The following SLC5A11 variants were observed in gnomAD, a reference collection of about 807,000 sequenced individuals.
SLC5A11 encodes sodium/myo-inositol cotransporter 2.
In SLC5A11, 48 loss-of-function variants were observed where a neutral mutation model predicts 69.8. That is an observed-to-expected ratio of 0.69 (90% CI 0.55 to 0.87). SLC5A11 has a LOEUF of 0.87. SLC5A11 is among the 40% of genes least tolerant of loss of function. The pLI is 0.00. For synonymous variants in SLC5A11, 319 were observed against 342.4 expected (o/e 0.93, Z 0.75); for missense variants, 784 against 866.1 (o/e 0.91, Z 1.19).
At chr16:24,890,541 G>A (rs1416086372) in intron 8 of SLC5A11, among the ~76,000 whole-genome samples, 82 of 136,974 alleles carry the variant, frequency 6.0e-4, no homozygotes, top group African/African-American at 2.1e-3. Flanking sequence ...AGAAAGGAAG[G>A]AAGAAAGAAA....
intron 11 of SLC5A11, 77 bp downstream of exon 12, chr16:24,906,841 G>T: frequency 6.9e-7 from 1 of 1,441,634 alleles, no homozygotes; most frequent in Admixed American, 2.0e-5. Flanking sequence ...CTGATCCAAG[G>T]CAGGGTCAAG....
intron 10 of SLC5A11, among the ~76,000 whole-genome samples, chr16:24,902,429 G>T (rs1050173875): frequency 6.6e-6 from 1 of 152,080 alleles, no homozygotes; most frequent in Non-Finnish European, 1.5e-5. Context: ...AGATGTAGCT[G>T]ATTCTAAAAC....
intron 8 of SLC5A11, 87 bp from the exon 10 acceptor site, chr16:24,890,782 A>G (rs1408884503): frequency 7.7e-7 from 1 of 1,291,802 alleles, no homozygotes; most frequent in Non-Finnish European, 1.1e-6. Context: ...TGGTCCTACT[A>G]GAATTTCACC....
chr16:24,855,228 A>G (rs2059475322), intron 1 of SLC5A11, among the ~76,000 whole-genome samples: 1 of 152,070 alleles, frequency 6.6e-6, no homozygotes, highest in Non-Finnish European at 1.5e-5. Context: ...CCCTAATGCA[A>G]TAGTATTAAG....
intron 8 of SLC5A11, among the ~76,000 whole-genome samples, chr16:24,887,522 A>T (rs1046266247): frequency 6.6e-6 from 1 of 152,210 alleles, no homozygotes; most frequent in African/African-American, 2.4e-5. Flanking sequence ...CTCACCCTTT[A>T]TGTAGGAAAT....
exon 7 of SLC5A11, chr16:24,877,360 G>T (rs765900560): frequency 6.2e-7 from 1 of 1,612,894 alleles, no homozygotes; most frequent in Non-Finnish European, 8.5e-7. Flanking sequence ...ATACACGGTT[G>T]CTGGTAAGAC....
chr16:24,859,111 G>A (rs76699144), intron 2 of SLC5A11: 28 of 185,876 alleles, frequency 1.5e-4, no homozygotes, highest in Admixed American at 2.5e-4. Flanking sequence ...GAGAGTTAGG[G>A]TTAGAATCCC....
intron 10 of SLC5A11, among the ~76,000 whole-genome samples, chr16:24,899,169 G>A (rs928235548): frequency 6.6e-6 from 1 of 152,152 alleles, no homozygotes; most frequent in African/African-American, 2.4e-5. Context: ...TAGGCATCTA[G>A]TGACTCTATG....
At chr16:24,847,295 TTTTCTTTCTTTC>T (rs59941163) in intron 1 of SLC5A11, among the ~76,000 whole-genome samples, 1 of 145,142 alleles carries the variant, frequency 6.9e-6, no homozygotes, top group Admixed American at 7.1e-5. Flanking sequence ...CTTTTCCCTT[TTTTCTTTCTTTC>T]TTTCTTTCTT....
intron 9 of SLC5A11, among the ~76,000 whole-genome samples, chr16:24,895,698 A>G (rs1213973733): frequency 6.6e-6 from 1 of 152,060 alleles, no homozygotes; most frequent in African/African-American, 2.4e-5. Flanking sequence ...TGCTGTGTCC[A>G]GTGGGCATGA....
chr16:24,846,526 T>A (rs2059020543), intron 1 of SLC5A11, 88 bp downstream of exon 2: 1 of 152,558 alleles, frequency 6.6e-6, no homozygotes, highest in African/African-American at 2.4e-5. Context: ...GGACTCCAGC[T>A]GTCACCTGTG....
chr16:24,899,962 C>T (rs1048754816), intron 10 of SLC5A11, among the ~76,000 whole-genome samples: 2 of 152,200 alleles, frequency 1.3e-5, no homozygotes, highest in African/African-American at 4.8e-5. Flanking sequence ...CTTCAGCCTC[C>T]CAAAGTGCTG....
chr16:24,908,391 G>T (rs1447264368), intron 13 of SLC5A11, among the ~76,000 whole-genome samples: 1 of 152,072 alleles, frequency 6.6e-6, no homozygotes, highest in Non-Finnish European at 1.5e-5. Flanking sequence ...TTGAGGTCAG[G>T]AGTTTGAGAC....
At chr16:24,904,136 A>G (rs13337381) in intron 10 of SLC5A11, among the ~76,000 whole-genome samples, 104,648 of 152,014 alleles carry the variant, frequency 0.69, 36,739 homozygotes, top group African/African-American at 0.77. Context: ...AGGGGGAACC[A>G]CCCCCATGAT....
At chr16:24,907,246 G>A (rs2050140615) in intron 12 of SLC5A11, 71 bp downstream of exon 13, 2 of 1,566,774 alleles carry the variant, frequency 1.3e-6, no homozygotes, top group Non-Finnish European at 1.7e-6. Flanking sequence ...CAAAGTCCAG[G>A]TTCAGCCAGC....
intron 3 of SLC5A11, among the ~76,000 whole-genome samples, chr16:24,864,971 A>G (rs899265220): frequency 6.6e-6 from 1 of 152,162 alleles, no homozygotes; most frequent in African/African-American, 2.4e-5. Context: ...ACAGAAAAAA[A>G]ACGAAGAGAA....
chr16:24,910,155 T>C (rs533170840), intron 14 of SLC5A11, 151 bp from the exon 16 acceptor site: 1 of 637,882 alleles, frequency 1.6e-6, no homozygotes, highest in African/African-American at 2.1e-5. Context: ...AGGAACATGA[T>C]GCTTGTTGGA....
intron 8 of SLC5A11, among the ~76,000 whole-genome samples, chr16:24,888,478 C>CTTTTTTTT (rs891552223): frequency 2.1e-4 from 17 of 81,408 alleles, no homozygotes; most frequent in East Asian, 3.9e-4. Context: ...GTATCTATTT[C>CTTTTTTTT]TTTTTTTTTT....
chr16:24,889,612 G>C (rs928343257), intron 8 of SLC5A11, among the ~76,000 whole-genome samples: 2 of 138,020 alleles, frequency 1.4e-5, no homozygotes, highest in African/African-American at 5.8e-5. Context: ...GAATGCAGTG[G>C]CGCAATCTTG....
Sources: allele counts gnomAD v4.1 joint callset (sites outside exome capture counted in the v4.1 genomes callset), GRCh38; gene constraint gnomAD v4.1.1; transcripts MANE v1.5; gene names NCBI Gene and HGNC (gene_info 2026-07-23, HGNC 2026-07-21).